The following PKHD1 variants were observed in gnomAD, a reference collection of about 807,000 sequenced individuals.
PKHD1 encodes fibrocystin.
In PKHD1, 291 loss-of-function variants were observed where a neutral mutation model predicts 412.0. The observed-to-expected ratio is 0.71, with a 90% confidence interval of 0.64 to 0.78. The LOEUF is 0.78. Among genes scored for constraint, PKHD1 ranks in the 30% least tolerant of loss-of-function variants. The probability of loss-of-function intolerance (pLI) is 0.00; values close to 1 mark genes in which losing one functional copy is unlikely to be tolerated. For missense variants in PKHD1, 4,825 were observed against 4,950.7 expected, an observed-to-expected ratio of 0.97 and a Z score of 0.76; for synonymous variants, 1,777 against 1,821.5, an observed-to-expected ratio of 0.98 and a Z score of 0.62.
At position 52,076,397 on chromosome 6, in the gene PKHD1, A is replaced by G. The variant is rs1306541710; in HGVS notation, c.391-64T>C. 7 of 1,206,004 alleles carry G rather than the reference A, an allele frequency of 5.8e-6. No individual in the cohort carries two copies. The East Asian group carries it at 1.4e-4, about 24-fold the overall frequency. The allele number at this position is 1,206,004 out of a possible 1,614,324, so 74.7% of individuals were successfully genotyped here. ...AAATATTCACAAACACAGGAGGCAC[A>G]AGCCTTTCCTCAGACAGCATTACTT... On this transcript the variant is annotated intron_variant, in intron 5 of 66. Transcript: ENST00000371117.
intron 35 of PKHD1, among the ~76,000 whole-genome samples, chr6:51,981,489 T>G (rs1190001864): frequency 5.3e-4 from 30 of 56,666 alleles, no homozygotes; most frequent in East Asian, 1.6e-3. Flanking sequence ...CTGGTTTTCG[T>G]TTTTTTTTTG....
chr6:51,701,086 C>T (rs1779352597), intron 60 of PKHD1, among the ~76,000 whole-genome samples: 1 of 151,994 alleles, frequency 6.6e-6, no homozygotes, highest in Non-Finnish European at 1.5e-5. Context: ...ATGGGACTTT[C>T]CTATAACCAA....
chr6:51,942,555 G>A lies in PKHD1; in HGVS notation c.5909-8233C>T, dbSNP rs1011549210. 6.6e-5 allele frequency among the ~76,000 whole-genome samples: 10 copies of A among 151,278 alleles called. 1 individual carries two copies. The highest frequency in any genetic ancestry group is 1.3e-4 in the Admixed American group (2 of 15,160). On this transcript the variant is annotated intron_variant, in intron 36 of 66. Transcript: ENST00000371117. ...CCGCAATTACCACTGTTCCTGGCCCGGACTTCAATCCGGCCTCCCACATTA... is the reference window on the plus strand; with the variant it reads ...CCGCAATTACCACTGTTCCTGGCCCAGACTTCAATCCGGCCTCCCACATTA...
At chr6:51,862,858 TACA>T (rs1444059633) in intron 48 of PKHD1, among the ~76,000 whole-genome samples, 1 of 152,208 alleles carries the variant, frequency 6.6e-6, no homozygotes, top group Non-Finnish European at 1.5e-5. Context: ...GCTGGGTCAG[TACA>T]ACGTCATATG....
chr6:51,752,550 A>G (rs1298790859), intron 57 of PKHD1, among the ~76,000 whole-genome samples: 1 of 152,236 alleles, frequency 6.6e-6, no homozygotes, highest in Non-Finnish European at 1.5e-5. Flanking sequence ...GGAAGTGTTT[A>G]GATCCTTTAT....
At position 51,870,655 on chromosome 6, in the gene PKHD1, A is replaced by G. The variant is rs200463136; in HGVS notation, c.7351-16T>C. Reference sequence around the variant, plus strand: ...ACAGACTTCCCTGTGATTTAAAAGAAAAAAAGATGAAAGCAAAATAAGAAA... The same window carrying G: ...ACAGACTTCCCTGTGATTTAAAAGAGAAAAAGATGAAAGCAAAATAAGAAA... On this transcript the variant is annotated splice_polypyrimidine_tract_variant and intron_variant, in intron 46 of 66. Transcript: ENST00000371117. The G allele has an allele frequency of 2.5e-6, 4 of 1,598,160 alleles. No homozygotes were observed. Among genetic ancestry groups the G allele is most frequent in the Non-Finnish European group, 3.4e-6 (4 of 1,166,302 alleles).
chr6:51,748,870 G>A (rs1458928569), intron 57 of PKHD1, among the ~76,000 whole-genome samples: 1 of 152,182 alleles, frequency 6.6e-6, no homozygotes, highest in Non-Finnish European at 1.5e-5. Flanking sequence ...AATTGCATGT[G>A]CAGTCTGAAG....
chr6:51,948,739 A>G (rs192646087), intron 36 of PKHD1, among the ~76,000 whole-genome samples: 51 of 152,326 alleles, frequency 3.3e-4, no homozygotes, highest in African/African-American at 1.2e-3. Flanking sequence ...AAGAAAGGTA[A>G]GGTGGGTAAA....
intron 55 of PKHD1, among the ~76,000 whole-genome samples, chr6:51,758,688 T>C (rs185355324): frequency 5.2e-4 from 79 of 152,292 alleles, no homozygotes; most frequent in African/African-American, 1.9e-3. Context: ...AAATTATGAA[T>C]AATCACTGTG....
rs376342769 is a variant in PKHD1, at chr6:51,821,987, G to A, written c.8302+8874C>T. ...CAGGCGTGAGCCACTCCACCTGGCT[G>A]ACAGTAATTCCTTAAATGACATAAC... On this transcript the variant is annotated intron_variant, in intron 52 of 66. Coordinates refer to ENST00000371117, the MANE Select transcript of PKHD1 (RefSeq NM_138694.4). Among the ~76,000 whole-genome samples the A allele has an allele frequency of 6.7e-4, 102 of 152,272 alleles. 1 individual carries two copies. The highest frequency in any genetic ancestry group is 2.0e-3 in the African/African-American group (85 of 41,554).
At chr6:51,765,027 G>C (rs1788744159) in intron 55 of PKHD1, among the ~76,000 whole-genome samples, 1 of 151,856 alleles carries the variant, frequency 6.6e-6, no homozygotes, top group African/African-American at 2.4e-5. Flanking sequence ...TTTCTTCTTG[G>C]CATCTACTCT....
intron 36 of PKHD1, among the ~76,000 whole-genome samples, chr6:51,938,871 T>G (rs1237047870): frequency 6.6e-6 from 1 of 151,362 alleles, no homozygotes; most frequent in East Asian, 1.9e-4. Context: ...TCTCTCACTA[T>G]CCCTCAACCT....
chr6:51,889,860 G>A (rs1013660248), intron 43 of PKHD1, among the ~76,000 whole-genome samples: 1 of 152,154 alleles, frequency 6.6e-6, no homozygotes, highest in Non-Finnish European at 1.5e-5. Flanking sequence ...GAGTTGCTTT[G>A]GGAACCCACT....
rs768682324 is a variant in PKHD1, at chr6:51,911,885, A to G, written c.6404T>C (p.Leu2135Pro). The stretch of plus-strand genomic sequence containing the variant: ...TCCTTGTATGGTAATACTCCTGCTG[A>G]GCAGAGCCACAGTGGCCTTTAAAAT... ...HHILKATVAL[L>P]SRSITIQGNL... Residue 2135 changes from leucine to proline, a missense_variant, in exon 39 of 67, where the codon CTC (leucine) becomes CCC (proline). Leu to Pro is a moderately conservative substitution (Grantham distance 98, BLOSUM62 -3). Coordinates refer to ENST00000371117, the MANE Select transcript of PKHD1 (RefSeq NM_138694.4). 6.2e-7 allele frequency: 1 copy of G among 1,611,916 alleles called. No homozygotes were observed. Among genetic ancestry groups the G allele is most frequent in the Non-Finnish European group, 8.5e-7 (1 of 1,178,246 alleles).
chr6:51,732,438 A>G (rs887243310), intron 60 of PKHD1, among the ~76,000 whole-genome samples: 1 of 152,186 alleles, frequency 6.6e-6, no homozygotes, highest in Non-Finnish European at 1.5e-5. Flanking sequence ...CTAAGATTCA[A>G]CAATAACAAA....
At chr6:52,064,546 T>C (rs1177728075) in intron 13 of PKHD1, among the ~76,000 whole-genome samples, 1 of 152,170 alleles carries the variant, frequency 6.6e-6, no homozygotes, top group African/African-American at 2.4e-5. Flanking sequence ...TCTCCGACCT[T>C]GTCTAATGCT....
intron 61 of PKHD1, among the ~76,000 whole-genome samples, chr6:51,657,850 T>C (rs1179340002): frequency 2.6e-5 from 4 of 152,230 alleles, no homozygotes; most frequent in African/African-American, 4.8e-5. Flanking sequence ...TTATATATAA[T>C]ATAAAATCAG....
chr6:51,665,185 C>T (rs55728426), intron 60 of PKHD1, among the ~76,000 whole-genome samples: 32,316 of 151,834 alleles, frequency 0.21, 4,356 homozygotes, highest in African/African-American at 0.37. Context: ...TAATAAATAA[C>T]AAATTAGTTA....
chr6:51,637,957 T>C (rs149366116), intron 64 of PKHD1, among the ~76,000 whole-genome samples: 15 of 152,234 alleles, frequency 9.9e-5, no homozygotes, highest in African/African-American at 3.6e-4. Flanking sequence ...TGATTATGAT[T>C]ACAGATCTTA....
Sources: gnomAD v4.1 joint callset for allele counts (sites outside exome capture counted in the v4.1 genomes callset) on GRCh38, gnomAD v4.1.1 for gene constraint, MANE v1.5 for transcripts, NCBI Gene and HGNC (gene_info 2026-07-23, HGNC 2026-07-21) for gene names.